The following CEP128 variants were observed in gnomAD, a reference collection of about 807,000 sequenced individuals.
The protein encoded by CEP128 is centrosomal protein 128kDa.
In CEP128, 132 loss-of-function variants were observed where a neutral mutation model predicts 156.7. The ratio of observed to expected loss-of-function variants is 0.84; its 90% confidence interval spans 0.73 to 0.97. The LOEUF is 0.97. Ranked by LOEUF, CEP128 falls within the 50% of genes least tolerant of loss-of-function variation. The pLI is 0.00. For synonymous variants in CEP128, 469 were observed against 448.9 expected, an observed-to-expected ratio of 1.04 and a Z score of -0.57; for missense variants, 1,252 against 1,281.9, an observed-to-expected ratio of 0.98 and a Z score of 0.36.
intron 10 of CEP128, among the ~76,000 whole-genome samples, chr14:80,840,470 T>C (rs1220663385): frequency 6.6e-6 from 1 of 152,054 alleles, no homozygotes; most frequent in Admixed American, 6.5e-5. Context: ...AGGAGAATGG[T>C]CATAGATGAC....
intron 13 of CEP128, among the ~76,000 whole-genome samples, chr14:80,829,577 C>T (rs969966595): frequency 6.6e-6 from 1 of 152,166 alleles, no homozygotes; most frequent in African/African-American, 2.4e-5. Context: ...TCCCAGCCTG[C>T]ATCAATTTTA....
At chr14:80,658,091 G>A (rs776456868) in intron 19 of CEP128, among the ~76,000 whole-genome samples, 11 of 152,098 alleles carry the variant, frequency 7.2e-5, no homozygotes, top group Non-Finnish European at 1.0e-4. Flanking sequence ...AAGTACTTTA[G>A]ATTGATAATT....
intron 19 of CEP128, among the ~76,000 whole-genome samples, chr14:80,702,344 T>C (rs951021224): frequency 3.9e-5 from 6 of 152,144 alleles, no homozygotes; most frequent in Non-Finnish European, 8.8e-5. Flanking sequence ...AGAAATTACA[T>C]TTTCCCTATA....
rs1478450916 is a variant in CEP128 at position 80,680,261 on chromosome 14, A to G, written c.2806+62814T>C. On this transcript the variant is annotated intron_variant, in intron 19 of 24. Coordinates refer to ENST00000555265, the MANE Select transcript of CEP128 (RefSeq NM_152446.5). Reference sequence around the variant, plus strand: ...GCTTGGGGACCTGGAACTAATCTGCATGTGCCATTGCTAGGTGCCCAAGTA... The same window carrying G: ...GCTTGGGGACCTGGAACTAATCTGCGTGTGCCATTGCTAGGTGCCCAAGTA... Among the ~76,000 whole-genome samples the G allele has an allele frequency of 2.0e-5, 3 of 152,168 alleles. No homozygotes were observed. In the East Asian group the frequency reaches 5.8e-4, roughly 29 times the overall value.
At chr14:80,911,078 G>C (rs543631648) in intron 4 of CEP128, among the ~76,000 whole-genome samples, 1 of 152,266 alleles carries the variant, frequency 6.6e-6, no homozygotes. Context: ...TGTAACTCAA[G>C]GTTAATGAAC....
At chr14:80,757,856 T>C (rs576464795) in intron 17 of CEP128, among the ~76,000 whole-genome samples, 39 of 152,204 alleles carry the variant, frequency 2.6e-4, no homozygotes, top group African/African-American at 8.0e-4. Context: ...ATATCACATA[T>C]GTGAATATTG....
intron 8 of CEP128, among the ~76,000 whole-genome samples, chr14:80,870,180 G>C (rs1887956766): frequency 6.6e-6 from 1 of 152,096 alleles, no homozygotes; most frequent in South Asian, 2.1e-4. Flanking sequence ...GTAAAGAAAA[G>C]CTAATGCCAA....
intron 8 of CEP128, among the ~76,000 whole-genome samples, chr14:80,870,227 G>A (rs190610453): frequency 2.6e-5 from 4 of 152,136 alleles, no homozygotes; most frequent in African/African-American, 7.2e-5. Flanking sequence ...GAAGATAAGA[G>A]AACATGTCCA....
intron 19 of CEP128, among the ~76,000 whole-genome samples, chr14:80,637,475 A>G (rs890559452): frequency 1.3e-5 from 2 of 152,182 alleles, no homozygotes; most frequent in Non-Finnish European, 2.9e-5. Context: ...TCATTTATAA[A>G]TTCTATAAAG....
chr14:80,536,084 T>C (rs769602261), intron 21 of CEP128, among the ~76,000 whole-genome samples: 2 of 152,218 alleles, frequency 1.3e-5, no homozygotes, highest in Non-Finnish European at 2.9e-5. Flanking sequence ...TCTGTACTGT[T>C]CCACAGTACA....
intron 13 of CEP128, among the ~76,000 whole-genome samples, chr14:80,808,937 G>A (rs1209480889): frequency 1.3e-5 from 2 of 152,290 alleles, no homozygotes; most frequent in Non-Finnish European, 2.9e-5. Context: ...AGATATCAAT[G>A]TAAGAATGCA....
In CEP128 at chr14:80,876,513, C is replaced by T. The variant is rs568193883; in HGVS notation, c.646-13640G>A. Among the ~76,000 whole-genome samples, 19 of 151,280 alleles carry T rather than the reference C, an allele frequency of 1.3e-4. No individual in the cohort carries two copies. In the South Asian group the frequency reaches 2.1e-3, roughly 17 times the overall value. ...TTGGGAGGCTGAGGCAAGAGAATCG[C>T]GTGAAACTGGGAGGCAAAGGTTGCA... On this transcript the variant is annotated intron_variant, in intron 8 of 24. Transcript: ENST00000555265.
At chr14:80,733,405 C>T (rs1245688125) in intron 19 of CEP128, among the ~76,000 whole-genome samples, 1 of 147,932 alleles carries the variant, frequency 6.8e-6, no homozygotes, top group African/African-American at 2.5e-5. Context: ...TGTGAACATA[C>T]ATAGAAACAC....
chr14:80,755,468 G>T (rs886304553), intron 18 of CEP128, among the ~76,000 whole-genome samples: 6 of 151,998 alleles, frequency 3.9e-5, no homozygotes, highest in African/African-American at 1.5e-4. Context: ...CTCTCAATTG[G>T]ACTTCATAAT....
At chr14:80,696,241 T>C (rs1896888571) in intron 19 of CEP128, among the ~76,000 whole-genome samples, 2 of 152,074 alleles carry the variant, frequency 1.3e-5, no homozygotes, top group Admixed American at 1.3e-4. Flanking sequence ...AGGAATAACA[T>C]AAGACAAGTA....
chr14:80,535,738 G>A (rs1238624299), intron 21 of CEP128, among the ~76,000 whole-genome samples: 3 of 152,152 alleles, frequency 2.0e-5, no homozygotes, highest in Non-Finnish European at 2.9e-5. Flanking sequence ...TAACACTAGT[G>A]AAGCATACTA....
intron 19 of CEP128, among the ~76,000 whole-genome samples, chr14:80,582,273 T>C (rs897093841): frequency 6.6e-6 from 1 of 152,212 alleles, no homozygotes; most frequent in Non-Finnish European, 1.5e-5. Context: ...AGGAGCTAAA[T>C]AAATGGAATT....
At chr14:80,714,988 C>T (rs928909986) in intron 19 of CEP128, among the ~76,000 whole-genome samples, 3 of 151,978 alleles carry the variant, frequency 2.0e-5, no homozygotes, top group African/African-American at 4.8e-5. Flanking sequence ...TTTGGGAGGC[C>T]GTGGTGGGCG....
At chr14:80,518,333 G>A (rs778998969) in intron 23 of CEP128, among the ~76,000 whole-genome samples, 7 of 151,754 alleles carry the variant, frequency 4.6e-5, no homozygotes, top group Non-Finnish European at 7.4e-5. Flanking sequence ...TAGGCTTAGG[G>A]ATTCTTAGTC....
Sources: gnomAD v4.1 joint callset for allele counts (sites outside exome capture counted in the v4.1 genomes callset) on GRCh38, gnomAD v4.1.1 for gene constraint, MANE v1.5 for transcripts, NCBI Gene and HGNC (gene_info 2026-07-23, HGNC 2026-07-21) for gene names.